Variants in CNTN4 observed in about 807,000 individuals in gnomAD.
CNTN4 encodes the protein contactin 4, also known as contactin-4.
CNTN4 carries 77 observed loss-of-function variants against 122.5 expected under a neutral mutation model. The ratio of observed to expected loss-of-function variants is 0.63; its 90% CI spans 0.52 to 0.76. The LOEUF (loss-of-function observed/expected upper bound fraction) is 0.76, where lower values mean the gene tolerates loss of function less well. Among genes scored for constraint, CNTN4 ranks in the 30% least tolerant of loss-of-function variants. The probability of loss-of-function intolerance (pLI) is 0.00; values close to 1 mark genes in which losing one functional copy is unlikely to be tolerated. For missense variants in CNTN4, 1,256 were observed against 1,259.1 expected (o/e 1.00, Z 0.04); for synonymous variants, 512 against 447.0 (o/e 1.15, Z -1.83).
At chr3:2,226,671 G>A (rs529543413) in intron 2 of CNTN4, among the ~76,000 whole-genome samples, 7 of 152,190 alleles carry the variant, frequency 4.6e-5, no homozygotes, top group Non-Finnish European at 7.4e-5. Flanking sequence ...GGGCTATTAA[G>A]TTCTTCATTA....
chr3:2,442,566 G>T (rs9833639), intron 3 of CNTN4, among the ~76,000 whole-genome samples: 9 of 150,952 alleles, frequency 6.0e-5, no homozygotes, highest in African/African-American at 2.2e-4. Flanking sequence ...TAATCTTGTC[G>T]TTAACCCCCA....
intron 3 of CNTN4, among the ~76,000 whole-genome samples, chr3:2,420,601 A>G (rs886118097): frequency 1.3e-5 from 2 of 151,554 alleles, no homozygotes; most frequent in African/African-American, 4.8e-5. Flanking sequence ...ATGCCCACCT[A>G]TTTTTTGTAT....
intron 2 of CNTN4, among the ~76,000 whole-genome samples, chr3:2,325,067 G>A (rs1322152267): frequency 6.6e-6 from 1 of 152,180 alleles, no homozygotes; most frequent in Non-Finnish European, 1.5e-5. Context: ...TCAAATGGAT[G>A]TCAGATCAAA....
At chr3:2,455,642 C>CA (rs542941039) in intron 3 of CNTN4, among the ~76,000 whole-genome samples, 135 of 152,084 alleles carry the variant, frequency 8.9e-4, no homozygotes, top group African/African-American at 3.2e-3. Flanking sequence ...AGGGCGCCTC[C>CA]AAAAAATATG....
intron 6 of CNTN4, among the ~76,000 whole-genome samples, chr3:2,815,039 G>C (rs11129308): frequency 5.9e-5 from 9 of 152,076 alleles, no homozygotes; most frequent in Non-Finnish European, 1.2e-4. Context: ...AGGCTTTGGA[G>C]ATAAAATGAC....
At chr3:2,983,484 T>C (rs1046187372) in intron 13 of CNTN4, among the ~76,000 whole-genome samples, 1 of 152,100 alleles carries the variant, frequency 6.6e-6, no homozygotes, top group Non-Finnish European at 1.5e-5. Flanking sequence ...GAGCTTCACT[T>C]AATAGAACAT....
intron 5 of CNTN4, among the ~76,000 whole-genome samples, chr3:2,741,258 A>G (rs924617222): frequency 6.6e-6 from 1 of 152,244 alleles, no homozygotes; most frequent in African/African-American, 2.4e-5. Context: ...GTAAAGGATG[A>G]CCAAGTTCTA....
intron 3 of CNTN4, among the ~76,000 whole-genome samples, chr3:2,407,127 A>G (rs2047066554): frequency 6.6e-6 from 1 of 152,190 alleles, no homozygotes; most frequent in Admixed American, 6.6e-5. Context: ...TTTATACAAC[A>G]GCGGACAAGG....
At chr3:2,678,604 A>C (rs2084999150) in intron 4 of CNTN4, among the ~76,000 whole-genome samples, 1 of 152,200 alleles carries the variant, frequency 6.6e-6, no homozygotes, top group African/African-American at 2.4e-5. Context: ...CCCTGTTTGC[A>C]GATTACCTTT....
rs189594405 is a variant in CNTN4, at chr3:2,180,340, G to A, written c.-145+79701G>A. On this transcript the variant is annotated intron_variant, in intron 2 of 24. Coordinates refer to ENST00000418658, the MANE Select transcript of CNTN4 (RefSeq NM_175607.3). ...TCTTCACAATAGTCTAGAAGGGTAT[G>A]TTACTTTACAGGTTAGAAAAGTGAG... Among the ~76,000 whole-genome samples, 23 of 152,116 alleles carry A rather than the reference G, an allele frequency of 1.5e-4. No individual in the cohort carries two copies. In the East Asian group the frequency reaches 2.7e-3, roughly 18 times the overall value.
chr3:2,397,915 T>C lies in CNTN4; in HGVS notation c.-89+58682T>C, dbSNP rs142396276. Among the ~76,000 whole-genome samples, 1,159 of 152,258 alleles carry C rather than the reference T, an allele frequency of 7.6e-3. 17 individuals carry two copies. Among genetic ancestry groups the C allele is most frequent in the African/African-American group, 0.027 (1,114 of 41,550 alleles). Reference sequence around the variant, plus strand: ...GATTACATTTTTTAACAAATTATTTTATGGGGTTGAATTTGGTCTAAGAAA... The same window carrying C: ...GATTACATTTTTTAACAAATTATTTCATGGGGTTGAATTTGGTCTAAGAAA... On this transcript the variant is annotated intron_variant, in intron 3 of 24. Coordinates refer to ENST00000418658, the MANE Select transcript of CNTN4 (RefSeq NM_175607.3).
chr3:2,481,854 G>A (rs2076016148), intron 3 of CNTN4, among the ~76,000 whole-genome samples: 1 of 152,140 alleles, frequency 6.6e-6, no homozygotes, highest in Non-Finnish European at 1.5e-5. Flanking sequence ...GCCGCCCTGT[G>A]AAGAGGGGCC....
chr3:2,769,032 C>G (rs918057397), intron 6 of CNTN4, among the ~76,000 whole-genome samples: 2 of 152,172 alleles, frequency 1.3e-5, no homozygotes, highest in African/African-American at 2.4e-5. Flanking sequence ...GCCAAAGAAA[C>G]ACATCCTTAC....
At chr3:2,293,535 A>G (rs1049363215) in intron 2 of CNTN4, among the ~76,000 whole-genome samples, 4 of 152,276 alleles carry the variant, frequency 2.6e-5, no homozygotes, top group South Asian at 2.1e-4. Flanking sequence ...TTCCTCATCT[A>G]TACAATGGGA....
chr3:3,006,138 G>A (rs1574795721), intron 14 of CNTN4, among the ~76,000 whole-genome samples: 1 of 151,984 alleles, frequency 6.6e-6, no homozygotes, highest in East Asian at 1.9e-4. Flanking sequence ...GGCCTCCCAA[G>A]GTGCTGGGAT....
rs1192934146 is a variant in CNTN4, at chr3:2,571,558, G to A, written c.55G>A (p.Asp19Asn). Residue 19 changes from aspartate to asparagine, a missense_variant and splice_region_variant, in exon 4 of 25, where the codon GAT becomes AAT. Asp to Asn is a conservative substitution (Grantham distance 23). Transcript: ENST00000418658. ...VLQSFILCLADDSTLHGPIFI... is the reference protein window; with the variant it reads ...VLQSFILCLANDSTLHGPIFI... ...GCAATCATTCATTTTGTGCCTTGCA[G>A]GTAGAGTGTCATTTTAAAACTTTTT... The A allele has an allele frequency of 6.2e-7, 1 of 1,611,172 alleles. No homozygotes were observed. Among genetic ancestry groups the A allele is most frequent in the Non-Finnish European group, 8.5e-7 (1 of 1,177,458 alleles).
At chr3:3,042,210 A>G in intron 20 of CNTN4, 100 bp from the exon 21 acceptor site, 1 of 904,642 alleles carries the variant, frequency 1.1e-6, no homozygotes, top group Non-Finnish European at 1.8e-6. Context: ...ATTAAGGACG[A>G]TTCTATAACC....
intron 2 of CNTN4, among the ~76,000 whole-genome samples, chr3:2,171,574 A>T (rs532958703): frequency 6.6e-6 from 1 of 152,214 alleles, no homozygotes; most frequent in Admixed American, 6.5e-5. Flanking sequence ...TTTGGGTTAA[A>T]AAAGTCAGTG....
At chr3:2,877,717 C>A (rs191678366) in intron 8 of CNTN4, among the ~76,000 whole-genome samples, 80 of 152,260 alleles carry the variant, frequency 5.3e-4, no homozygotes, top group African/African-American at 1.8e-3. Context: ...TGTTCGCACT[C>A]TTTTAGCCTA....
Sources: gnomAD v4.1 joint callset for allele counts (sites outside exome capture counted in the v4.1 genomes callset) on GRCh38, gnomAD v4.1.1 for gene constraint, MANE v1.5 for transcripts, NCBI Gene and HGNC (gene_info 2026-07-23, HGNC 2026-07-21) for gene names.